Variants in CCDC180 observed in about 807,000 individuals in gnomAD.
The protein encoded by CCDC180 is coiled-coil domain containing 180, also known as coiled-coil domain-containing protein 180.
In CCDC180, 154 loss-of-function variants were observed where a neutral mutation model predicts 209.2. That is an observed-to-expected ratio of 0.74 (90% CI 0.65 to 0.84). The LOEUF is 0.84. CCDC180 is among the 40% of genes least tolerant of loss of function. CCDC180 has a pLI of 0.00. For missense variants in CCDC180, 1,874 were observed against 1,997.3 expected, an observed-to-expected ratio of 0.94 and a Z score of 1.18; for synonymous variants, 778 against 749.1, an observed-to-expected ratio of 1.04 and a Z score of -0.63.
intron 19 of CCDC180, 145 bp downstream of exon 19, chr9:97,343,708 A>G (rs532136498): frequency 1.5e-5 from 10 of 664,548 alleles, no homozygotes; most frequent in African/African-American, 1.5e-4. Flanking sequence ...GGGGTGAGAA[A>G]CACAATAAAA....
At chr9:97,326,452 A>C (rs927173412) in intron 14 of CCDC180, 102 bp from the exon 15 acceptor site, 11 of 725,480 alleles carry the variant, frequency 1.5e-5, no homozygotes, top group African/African-American at 3.5e-5. Context: ...CTGCTGAGGC[A>C]CCTGGGCCTC....
At chr9:97,331,496 A>G (rs936359595) in intron 18 of CCDC180, among the ~76,000 whole-genome samples, 3 of 151,990 alleles carry the variant, frequency 2.0e-5, no homozygotes, top group Admixed American at 6.6e-5. Context: ...AGAAATTGCC[A>G]CACTGGAATA....
At chr9:97,315,030 G>A (rs1833118576) in intron 8 of CCDC180, 84 bp downstream of exon 8, 1 of 1,005,942 alleles carries the variant, frequency 9.9e-7, no homozygotes, top group Non-Finnish European at 1.6e-6. Context: ...CTGGTGTCTG[G>A]TGTCTCAGGA....
chr9:97,350,663 A>G (rs1826398402), intron 22 of CCDC180, 108 bp downstream of exon 22: 4 of 1,198,434 alleles, frequency 3.3e-6, no homozygotes, highest in Admixed American at 2.4e-5. Context: ...CGTAACATCA[A>G]ACTTAACATC....
intron 18 of CCDC180, among the ~76,000 whole-genome samples, chr9:97,340,652 A>G (rs1587811291): frequency 1.3e-5 from 2 of 152,224 alleles, no homozygotes; most frequent in African/African-American, 4.8e-5. Flanking sequence ...GCCTTCTGTT[A>G]CGCGCAGACA....
intron 24 of CCDC180, among the ~76,000 whole-genome samples, chr9:97,356,356 C>G (rs919189910): frequency 1.3e-5 from 2 of 152,270 alleles, no homozygotes; most frequent in Admixed American, 1.3e-4. Context: ...GATAGGGACT[C>G]CAGACCCAGC....
chr9:97,323,416 T>A (rs1833420381), intron 12 of CCDC180, among the ~76,000 whole-genome samples: 1 of 152,148 alleles, frequency 6.6e-6, no homozygotes, highest in Non-Finnish European at 1.5e-5. Context: ...GACAGTAAAC[T>A]CGTTCCCAAA....
chr9:97,357,845 G>A, intron 25 of CCDC180, 120 bp downstream of exon 25: 1 of 742,956 alleles, frequency 1.3e-6, no homozygotes, highest in African/African-American at 1.8e-5. Context: ...GCGGGGTGGG[G>A]GGACATCTCT....
intron 18 of CCDC180, among the ~76,000 whole-genome samples, chr9:97,340,963 C>G (rs530943613): frequency 6.6e-6 from 1 of 152,354 alleles, no homozygotes; most frequent in East Asian, 1.9e-4. Context: ...ATGTTCCATC[C>G]TGTACACCTG....
intron 18 of CCDC180, among the ~76,000 whole-genome samples, chr9:97,337,967 A>G (rs1825960749): frequency 6.6e-6 from 1 of 152,290 alleles, no homozygotes; most frequent in East Asian, 1.9e-4. Flanking sequence ...TGTTTATAGT[A>G]TTCTCTGATG....
chr9:97,342,279 C>G (rs1461777765), intron 18 of CCDC180, among the ~76,000 whole-genome samples: 1 of 152,182 alleles, frequency 6.6e-6, no homozygotes, highest in Non-Finnish European at 1.5e-5. Context: ...GAGCTGCAGA[C>G]CGGAGCTGTT....
chr9:97,371,428 T>C (rs892764011), intron 33 of CCDC180, 167 bp from the exon 34 acceptor site: 12 of 477,684 alleles, frequency 2.5e-5, no homozygotes, highest in Non-Finnish European at 4.6e-5. Context: ...AGATCACATC[T>C]TGGGAGAGGC....
intron 29 of CCDC180, 149 bp from the exon 30 acceptor site, chr9:97,365,524 A>T: frequency 1.4e-6 from 1 of 694,000 alleles, no homozygotes; most frequent in Non-Finnish European, 2.6e-6. Flanking sequence ...GTGGAATCAG[A>T]GTGTGCAGAG....
rs893669995 is a variant in CCDC180, at chr9:97,347,323, T to C, written c.2508T>C (p.Ala836=). 4.6e-6 allele frequency: 7 copies of C among 1,535,836 alleles called. No homozygotes were observed. The East Asian group carries it at 1.7e-4, about 38-fold the overall frequency. ...LILEIKKQLR[A]GFFEHLEKWF... ...CTGGTCTCGCCCTCAGACTTCGAGC[T>C]GGCTTCTTCGAGCACCTTGAGAAGT... Residue 836 remains alanine, a synonymous_variant, in exon 20 of 37, where the codon GCT becomes GCC. Transcript: ENST00000529487.
At chr9:97,359,626 G>A (rs1050661198) in intron 25 of CCDC180, among the ~76,000 whole-genome samples, 4 of 152,130 alleles carry the variant, frequency 2.6e-5, no homozygotes, top group African/African-American at 9.7e-5. Context: ...AACATAGAAT[G>A]TGAGAGCCAG....
At chr9:97,353,579 G>A (rs936609867) in intron 22 of CCDC180, among the ~76,000 whole-genome samples, 2 of 152,160 alleles carry the variant, frequency 1.3e-5, no homozygotes, top group African/African-American at 4.8e-5. Flanking sequence ...GGCCTGGACT[G>A]GACATTGCAT....
At chr9:97,325,511 A>G (rs1432922567) in intron 14 of CCDC180, among the ~76,000 whole-genome samples, 9 of 152,246 alleles carry the variant, frequency 5.9e-5, no homozygotes, top group Admixed American at 5.9e-4. Context: ...GGAGAATAAC[A>G]TGAACCAACC....
chr9:97,361,314 C>T (rs995982864), intron 26 of CCDC180, among the ~76,000 whole-genome samples: 7 of 152,230 alleles, frequency 4.6e-5, no homozygotes, highest in Non-Finnish European at 1.0e-4. Flanking sequence ...ACTTCAATCT[C>T]ACAGAAGATA....
At chr9:97,357,780 C>A in intron 25 of CCDC180, 55 bp downstream of exon 25, 2 of 1,366,202 alleles carry the variant, frequency 1.5e-6, no homozygotes, top group South Asian at 2.5e-5. Context: ...ATGCTAAAGT[C>A]ATAAATGTGA....
Sources: allele counts gnomAD v4.1 joint callset (sites outside exome capture counted in the v4.1 genomes callset), GRCh38; gene constraint gnomAD v4.1.1; transcripts MANE v1.5; gene names NCBI Gene and HGNC (gene_info 2026-07-23, HGNC 2026-07-21).